The following SH3BGRL2 variants were observed in gnomAD, a reference collection of about 807,000 sequenced individuals.
SH3BGRL2 encodes SH3 domain-binding glutamic acid-rich-like protein 2.
In SH3BGRL2, 21 loss-of-function variants were observed where a neutral mutation model predicts 14.8. That is an observed-to-expected ratio of 1.42 (90% CI 1.01 to 2.05). The LOEUF is 2.05. SH3BGRL2 is among the 30% of genes most tolerant of loss of function. The pLI is 0.00. For missense variants in SH3BGRL2, 147 were observed against 130.8 expected, an observed-to-expected ratio of 1.12 and a Z score of -0.61; for synonymous variants, 50 against 47.8, an observed-to-expected ratio of 1.05 and a Z score of -0.19.
intron 1 of SH3BGRL2, among the ~76,000 whole-genome samples, chr6:79,662,965 C>T (rs1053104086): frequency 1.3e-5 from 2 of 152,100 alleles, no homozygotes; most frequent in Admixed American, 6.6e-5. Flanking sequence ...GCATGTGCTA[C>T]GAAGTTCTCG....
the SH3BGRL2 span, among the ~76,000 whole-genome samples, chr6:79,547,427 C>T: frequency 6.6e-6 from 1 of 152,064 alleles, no homozygotes; most frequent in Non-Finnish European, 1.5e-5. Flanking sequence ...CCCAAGGTCA[C>T]CCACCACACT....
chr6:79,690,860 TGGG>T (rs1262654042), intron 2 of SH3BGRL2, among the ~76,000 whole-genome samples: 1 of 152,186 alleles, frequency 6.6e-6, no homozygotes, highest in Non-Finnish European at 1.5e-5. Context: ...AAGATCAGCC[TGGG>T]CAATATAATG....
the SH3BGRL2 span, among the ~76,000 whole-genome samples, chr6:79,543,673 C>A: frequency 2.0e-5 from 3 of 152,174 alleles, no homozygotes; most frequent in Admixed American, 2.0e-4. Flanking sequence ...ATATTAAAAA[C>A]AGAAGCATAT....
chr6:79,677,747 C>T (rs1769913378), intron 2 of SH3BGRL2, among the ~76,000 whole-genome samples: 1 of 152,154 alleles, frequency 6.6e-6, no homozygotes, highest in Admixed American at 6.5e-5. Context: ...GTATCTTTCT[C>T]AGTTATTTGC....
At chr6:79,644,796 T>C (rs1769095979) in intron 1 of SH3BGRL2, among the ~76,000 whole-genome samples, 1 of 152,120 alleles carries the variant, frequency 6.6e-6, no homozygotes, top group South Asian at 2.1e-4. Flanking sequence ...AATTTTCTGA[T>C]TTTTTTCAAC....
rs1411421428 is a variant in SH3BGRL2 at position 79,691,343 on chromosome 6, T to A, written c.232-5142T>A. Among the ~76,000 whole-genome samples, 9 of 152,078 alleles carry A rather than the reference T, an allele frequency of 5.9e-5. No homozygotes were observed. In the East Asian group the frequency reaches 1.7e-3, roughly 29 times the overall value. On this transcript the variant is annotated intron_variant, in intron 2 of 3. Coordinates refer to ENST00000369838, the MANE Select transcript of SH3BGRL2 (RefSeq NM_031469.4). ...TGTTTGTTTGTTTTGTTTTTGTTTT[T>A]TTTTGTTTTTTAAATTTTATTATTA...
chr6:79,613,607 ACT>A, the SH3BGRL2 span, among the ~76,000 whole-genome samples: 4 of 151,882 alleles, frequency 2.6e-5, no homozygotes, highest in African/African-American at 4.8e-5. Flanking sequence ...CTGAAAAGGA[ACT>A]CTTTTTTTTT....
intron 1 of SH3BGRL2, among the ~76,000 whole-genome samples, chr6:79,656,582 C>G (rs903371358): frequency 2.6e-5 from 4 of 151,938 alleles, no homozygotes; most frequent in Admixed American, 1.3e-4. Flanking sequence ...TTCAACCATC[C>G]ATGGATGAAA....
chr6:79,660,098 G>A (rs1769512964), intron 1 of SH3BGRL2, among the ~76,000 whole-genome samples: 1 of 152,164 alleles, frequency 6.6e-6, no homozygotes, highest in Non-Finnish European at 1.5e-5. Flanking sequence ...GGGATAATTT[G>A]ACTTCCTCTT....
At chr6:79,646,391 A>C (rs903954804) in intron 1 of SH3BGRL2, among the ~76,000 whole-genome samples, 2 of 152,242 alleles carry the variant, frequency 1.3e-5, no homozygotes, top group East Asian at 3.8e-4. Flanking sequence ...CTTCTAGAGC[A>C]GTGTATTATG....
At chr6:79,682,130 T>G (rs1206042244) in intron 2 of SH3BGRL2, among the ~76,000 whole-genome samples, 1 of 152,216 alleles carries the variant, frequency 6.6e-6, no homozygotes, top group South Asian at 2.1e-4. Context: ...GATGAATTAA[T>G]TGGTTATTCA....
the SH3BGRL2 span, among the ~76,000 whole-genome samples, chr6:79,590,196 A>G: frequency 2.6e-5 from 4 of 152,004 alleles, no homozygotes; most frequent in Admixed American, 2.6e-4. Context: ...TTATACACCA[A>G]TGGTGGGAAT....
intron 2 of SH3BGRL2, among the ~76,000 whole-genome samples, chr6:79,680,961 A>AT (rs1769977484): frequency 6.6e-6 from 1 of 151,972 alleles, no homozygotes; most frequent in South Asian, 2.1e-4. Flanking sequence ...TTTTATTTTT[A>AT]TTTTTTAACT....
the SH3BGRL2 span, among the ~76,000 whole-genome samples, chr6:79,539,121 C>A: frequency 6.6e-6 from 1 of 152,054 alleles, no homozygotes; most frequent in Non-Finnish European, 1.5e-5. Context: ...ATTTTATTCA[C>A]CCCCTCATAT....
intron 2 of SH3BGRL2, among the ~76,000 whole-genome samples, chr6:79,692,837 C>T (rs895361121): frequency 4.6e-4 from 69 of 151,522 alleles, no homozygotes; most frequent in Non-Finnish European, 6.2e-4. Context: ...CTTGGCGATG[C>T]GGGCTCTTTT....
chr6:79,620,742 G>T, the SH3BGRL2 span, among the ~76,000 whole-genome samples: 8 of 151,994 alleles, frequency 5.3e-5, no homozygotes, highest in South Asian at 2.1e-4. Flanking sequence ...AGGATTGGGG[G>T]ATAGCACAGA....
intron 2 of SH3BGRL2, among the ~76,000 whole-genome samples, chr6:79,692,629 CT>C (rs760331173): frequency 2.0e-5 from 3 of 152,194 alleles, no homozygotes; most frequent in Non-Finnish European, 4.4e-5. Context: ...TTCCCCATTT[CT>C]TGTTTTTGTC....
At chr6:79,559,296 C>T in the SH3BGRL2 span, among the ~76,000 whole-genome samples, 4 of 151,976 alleles carry the variant, frequency 2.6e-5, no homozygotes, top group African/African-American at 7.3e-5. Context: ...AGACCCCATC[C>T]GTCTCTGCAA....
At chr6:79,687,338 G>GT (rs574427688) in intron 2 of SH3BGRL2, among the ~76,000 whole-genome samples, 4 of 151,916 alleles carry the variant, frequency 2.6e-5, no homozygotes, top group Admixed American at 1.3e-4. Context: ...CCTGTTCCTA[G>GT]TTTTTTTTCT....
Sources: gnomAD v4.1 joint callset for allele counts (sites outside exome capture counted in the v4.1 genomes callset) on GRCh38, gnomAD v4.1.1 for gene constraint, MANE v1.5 for transcripts, NCBI Gene and HGNC (gene_info 2026-07-23, HGNC 2026-07-21) for gene names.